TTC6: variants seen among roughly 807,000 people sequenced by gnomAD.
TTC6 encodes the protein tetratricopeptide repeat protein 6.
In TTC6, 172 loss-of-function variants were observed where a neutral mutation model predicts 210.4. The ratio of observed to expected loss-of-function variants is 0.82; its 90% CI spans 0.72 to 0.93. The LOEUF (loss-of-function observed/expected upper bound fraction) is 0.93. Among genes scored for constraint, TTC6 ranks in the 40% least tolerant of loss-of-function variants. The probability of loss-of-function intolerance (pLI) is 0.00; values close to 1 mark genes in which losing one functional copy is unlikely to be tolerated. For missense variants in TTC6, 2,414 were observed against 2,318.1 expected, an observed-to-expected ratio of 1.04 and a Z score of -0.85; for synonymous variants, 804 against 819.6, an observed-to-expected ratio of 0.98 and a Z score of 0.32.
intron 1 of TTC6, among the ~76,000 whole-genome samples, chr14:37,599,717 T>G (rs2095611724): frequency 1.3e-5 from 2 of 152,198 alleles, no homozygotes; most frequent in Admixed American, 6.5e-5. Flanking sequence ...TGTATTCAAA[T>G]GAGAAAGACT....
intron 3 of TTC6, among the ~76,000 whole-genome samples, chr14:37,686,675 G>T (rs2095794487): frequency 6.6e-6 from 1 of 152,160 alleles, no homozygotes; most frequent in Non-Finnish European, 1.5e-5. Context: ...TCACACGGTG[G>T]CAGACAAGAG....
At chr14:37,758,814 T>C (rs1303496641) in intron 14 of TTC6, among the ~76,000 whole-genome samples, 1 of 152,186 alleles carries the variant, frequency 6.6e-6, no homozygotes, top group Non-Finnish European at 1.5e-5. Context: ...GTTTTTGCAG[T>C]GGCTGGTACC....
exon 2 of TTC6, chr14:37,680,219 A>T: frequency 1.3e-6 from 2 of 1,534,404 alleles, no homozygotes; most frequent in Non-Finnish European, 1.7e-6. Flanking sequence ...CTGAGATACA[A>T]GCAGAGTATA....
intron 14 of TTC6, among the ~76,000 whole-genome samples, chr14:37,770,687 C>A (rs2096015287): frequency 6.6e-6 from 1 of 150,744 alleles, no homozygotes; most frequent in Non-Finnish European, 1.5e-5. Flanking sequence ...TATTTTGAGC[C>A]TATGTGTGTC....
At chr14:37,601,382 T>C (rs1223300146) in intron 1 of TTC6, among the ~76,000 whole-genome samples, 2 of 152,218 alleles carry the variant, frequency 1.3e-5, no homozygotes. Flanking sequence ...TGTAGCATAG[T>C]AGACTTTGAA....
intron 3 of TTC6, among the ~76,000 whole-genome samples, chr14:37,686,549 G>A (rs1414450044): frequency 6.6e-6 from 1 of 152,174 alleles, no homozygotes; most frequent in Admixed American, 6.5e-5. Context: ...TTTTCATGCT[G>A]CTGATAAAGA....
intron 8 of TTC6, among the ~76,000 whole-genome samples, chr14:37,736,949 G>T (rs975005636): frequency 2.6e-5 from 4 of 151,944 alleles, no homozygotes; most frequent in African/African-American, 9.7e-5. Context: ...TAGAAATGGG[G>T]TCTCACTATG....
chr14:37,638,724 A>G (rs1227777988), intron 1 of TTC6, among the ~76,000 whole-genome samples: 1 of 152,196 alleles, frequency 6.6e-6, no homozygotes, highest in Non-Finnish European at 1.5e-5. Flanking sequence ...ATATTGTATT[A>G]TAGTTTTGCA....
chr14:37,695,774 T>C (rs1224661873), intron 3 of TTC6, among the ~76,000 whole-genome samples: 2 of 152,188 alleles, frequency 1.3e-5, no homozygotes, highest in Non-Finnish European at 2.9e-5. Flanking sequence ...GTAATTATTA[T>C]GCATTACATG....
chr14:37,787,969 A>G (rs1254607991), intron 15 of TTC6, among the ~76,000 whole-genome samples: 1 of 151,330 alleles, frequency 6.6e-6, no homozygotes, highest in African/African-American at 2.4e-5. Context: ...ATCTCTTTCT[A>G]TAATATACTG....
intron 1 of TTC6, among the ~76,000 whole-genome samples, chr14:37,658,086 T>C (rs1219507889): frequency 6.6e-6 from 1 of 152,224 alleles, no homozygotes; most frequent in Non-Finnish European, 1.5e-5. Flanking sequence ...TAGGCACTTA[T>C]ATAACAAGAG....
chr14:37,728,417 CAA>C (rs5807966), intron 7 of TTC6, among the ~76,000 whole-genome samples: 136,116 of 148,458 alleles, frequency 0.92, 62,176 homozygotes, highest in East Asian at 1. Flanking sequence ...CTATCACTAC[CAA>C]AAAAAAAAAA....
At chr14:37,652,124 A>G (rs1439639211) in intron 1 of TTC6, among the ~76,000 whole-genome samples, 1 of 152,204 alleles carries the variant, frequency 6.6e-6, no homozygotes, top group African/African-American at 2.4e-5. Context: ...AGAGCAGGGC[A>G]TGGTTAAACA....
rs1054168253 is a variant in TTC6 at position 37,716,290 on chromosome 14, CA to C, written c.1713+1498del. On this transcript the variant is annotated intron_variant, in intron 6 of 30. Transcript: ENST00000553443. The stretch of plus-strand genomic sequence containing the variant: ...GAAGACAGGAAAAAGAAAACAGAAA[CA>C]AAAGAAACCAGACAGAGCAGACAGG... Among the ~76,000 whole-genome samples the C allele has an allele frequency of 9.0e-4, 136 of 151,912 alleles. 1 individual carries two copies. The highest frequency in any genetic ancestry group is 3.2e-3 in the African/African-American group (132 of 41,494).
chr14:37,648,071 A>C (rs1266461922), intron 1 of TTC6, among the ~76,000 whole-genome samples: 1 of 152,128 alleles, frequency 6.6e-6, no homozygotes, highest in Non-Finnish European at 1.5e-5. Flanking sequence ...GCTGTTGTAC[A>C]TGGGATGCAT....
intron 16 of TTC6, among the ~76,000 whole-genome samples, chr14:37,791,563 A>G (rs2096079409): frequency 6.6e-6 from 1 of 152,164 alleles, no homozygotes; most frequent in Non-Finnish European, 1.5e-5. Context: ...TGGCTCCCAT[A>G]ATGACCACAG....
intron 26 of TTC6, among the ~76,000 whole-genome samples, chr14:37,820,077 A>G (rs2096151975): frequency 6.6e-6 from 1 of 152,204 alleles, no homozygotes; most frequent in Non-Finnish European, 1.5e-5. Context: ...ACATTTTCCC[A>G]TTGGCTAACT....
chr14:37,696,873 G>A lies in TTC6; in HGVS notation c.1376+38G>A, dbSNP rs760845648. 10 of 954,566 alleles carry A rather than the reference G, an allele frequency of 1.0e-5. No homozygotes were observed. The Admixed American group carries it at 1.5e-4, about 14-fold the overall frequency. 59.1% of individuals were successfully genotyped at this position (954,566 alleles called of 1,614,324 possible). A position where few individuals can be genotyped will look rare whatever the true frequency, so the allele number is the denominator to read the frequency against. ...AATTTATAATTTTTCTATTGGGAGA[G>A]GAGTTATTCAGTAGCATAGAGACAT... On this transcript the variant is annotated intron_variant, in intron 4 of 30. Transcript: ENST00000553443.
chr14:37,680,552 A>C (rs2095781279), intron 2 of TTC6, among the ~76,000 whole-genome samples: 1 of 152,158 alleles, frequency 6.6e-6, no homozygotes, highest in Non-Finnish European at 1.5e-5. Flanking sequence ...GTGGATAATT[A>C]ATTAAAAATT....
Sources: gnomAD v4.1 joint callset for allele counts (sites outside exome capture counted in the v4.1 genomes callset) on GRCh38, gnomAD v4.1.1 for gene constraint, MANE v1.5 for transcripts, NCBI Gene and HGNC (gene_info 2026-07-23, HGNC 2026-07-21) for gene names.